Variants in SLC17A5 observed in about 807,000 individuals in gnomAD.
SLC17A5 encodes the protein sialin.
Under a neutral mutation model 59.4 loss-of-function variants are expected in SLC17A5, and 47 were observed. The observed-to-expected ratio is 0.79, with a 90% CI of 0.63 to 1.01. The LOEUF is 1.01. SLC17A5 is among the 50% of genes least tolerant of loss of function. The probability of loss-of-function intolerance (pLI) is 0.00; values close to 1 mark genes in which losing one functional copy is unlikely to be tolerated. For synonymous variants in SLC17A5, 202 were observed against 210.7 expected (o/e 0.96, Z 0.36); for missense variants, 522 against 595.5 (o/e 0.88, Z 1.28).
At position 73,594,836 on chromosome 6, in the gene SLC17A5, C is replaced by T. The variant is rs548307604; in HGVS notation, c.*241G>A. ...CAGAACTGTCCTACTTCATGTTGCC[C>T]GACTAGCAGGCAGGTATGTGAACCT... On this transcript the variant is annotated 3_prime_UTR_variant, in exon 11 of 11. Coordinates refer to ENST00000355773, the MANE Select transcript of SLC17A5 (RefSeq NM_012434.5). 13 of 511,726 alleles carry T rather than the reference C, an allele frequency of 2.5e-5. No individual in the cohort carries two copies. The highest frequency in any genetic ancestry group is 2.2e-4 in the East Asian group (6 of 27,466). 31.7% of individuals were successfully genotyped at this position (511,726 alleles called of 1,614,324 possible).
chr6:73,597,487 CAAAAA>C lies in SLC17A5; in HGVS notation c.1351-2278_1351-2274del, dbSNP rs370577326. ...GTCTCAAAAACAAAACAAAACAAAA[CAAAAA>C]AAACCAAGCAGGCCAGGCATGGCGG... On this transcript the variant is annotated intron_variant, in intron 10 of 10. Coordinates refer to ENST00000355773, the MANE Select transcript of SLC17A5 (RefSeq NM_012434.5). Among the ~76,000 whole-genome samples, 1,447 of 146,708 alleles carry C rather than the reference CAAAAA, an allele frequency of 9.9e-3. 8 individuals are homozygous for C. Among genetic ancestry groups the C allele is most frequent in the Non-Finnish European group, 0.016 (1,077 of 66,262 alleles).
chr6:73,627,854 C>T (rs1001110949), intron 6 of SLC17A5, among the ~76,000 whole-genome samples: 2 of 151,716 alleles, frequency 1.3e-5, no homozygotes, highest in African/African-American at 4.9e-5. Flanking sequence ...GTCTAGAACT[C>T]CTAACCTCAG....
intron 9 of SLC17A5, among the ~76,000 whole-genome samples, chr6:73,603,391 C>T (rs1250358173): frequency 1.3e-5 from 2 of 150,968 alleles, no homozygotes; most frequent in East Asian, 3.9e-4. Flanking sequence ...TGCACCTGGC[C>T]CGATAATTCA....
At chr6:73,648,721 G>C (rs1445605024) in intron 1 of SLC17A5, among the ~76,000 whole-genome samples, 1 of 152,082 alleles carries the variant, frequency 6.6e-6, no homozygotes, top group Non-Finnish European at 1.5e-5. Context: ...AACAAAAGAG[G>C]CACATTAATC....
At position 73,653,965 on chromosome 6, in the gene SLC17A5, A is replaced by T. The variant is rs1043418605; in HGVS notation, c.-79T>A. ...CCGACAGCCCGAAGCCCCCGGGCCG[A>T]GCTGGCTGGACCGGGCGGGGCGGGG... On this transcript the variant is annotated 5_prime_UTR_variant, in exon 1 of 11. Transcript: ENST00000355773. The T allele has an allele frequency of 8.0e-5, 103 of 1,280,842 alleles. No homozygotes were observed. The highest frequency in any genetic ancestry group is 1.4e-4 in the Admixed American group (7 of 49,392). 79.3% of individuals were successfully genotyped at this position (1,280,842 alleles called of 1,614,324 possible).
At chr6:73,634,225 A>G (rs2150111320) in intron 6 of SLC17A5, among the ~76,000 whole-genome samples, 1 of 152,322 alleles carries the variant, frequency 6.6e-6, no homozygotes, top group African/African-American at 2.4e-5. Context: ...ACAGATGTAT[A>G]TCATATTATA....
intron 1 of SLC17A5, among the ~76,000 whole-genome samples, chr6:73,650,439 C>A (rs575503372): frequency 1.5e-5 from 2 of 130,284 alleles, no homozygotes; most frequent in African/African-American, 5.9e-5. Flanking sequence ...ACCCGGGAGG[C>A]GGAGCATGCA....
intron 7 of SLC17A5, among the ~76,000 whole-genome samples, chr6:73,621,000 A>ATTTATTATTATT (rs35762085): frequency 0.11 from 16,887 of 150,146 alleles, 1,534 homozygotes; most frequent in African/African-American, 0.24. Context: ...TGCTGGGATT[A>ATTTATTATTATT]ATTATTATTA....
intron 5 of SLC17A5, among the ~76,000 whole-genome samples, chr6:73,636,006 TG>T (rs1561997683): frequency 6.6e-6 from 1 of 152,284 alleles, no homozygotes; most frequent in Admixed American, 6.5e-5. Context: ...CCCAAAGTGC[TG>T]GGATTACAGG....
chr6:73,636,793 G>T, intron 4 of SLC17A5, 86 bp from the exon 5 acceptor site: 1 of 989,286 alleles, frequency 1.0e-6, no homozygotes, highest in Non-Finnish European at 1.6e-6. Context: ...CAGAGGATGG[G>T]TAACAGGCTG....
At chr6:73,624,260 C>T (rs888599965) in intron 6 of SLC17A5, among the ~76,000 whole-genome samples, 11 of 151,130 alleles carry the variant, frequency 7.3e-5, no homozygotes, top group East Asian at 4.0e-4. Flanking sequence ...AAAAATTAGC[C>T]GGGTGTGGTG....
In SLC17A5 at chr6:73,600,641, A is replaced by G. The variant is rs1342407287; in HGVS notation, c.1260-200T>C. ...CTTAGCCTCCTGAGTAGCGGGGACTACAGGCATCCACCATCATGCTGGGCT... is the reference window on the plus strand; with the variant it reads ...CTTAGCCTCCTGAGTAGCGGGGACTGCAGGCATCCACCATCATGCTGGGCT... On this transcript the variant is annotated intron_variant, in intron 9 of 10. Coordinates refer to ENST00000355773, the MANE Select transcript of SLC17A5 (RefSeq NM_012434.5). 4.6e-5 allele frequency among the ~76,000 whole-genome samples: 7 copies of G among 151,442 alleles called. No homozygotes were observed. The Admixed American group carries it at 4.6e-4, about 10-fold the overall frequency.
intron 3 of SLC17A5, among the ~76,000 whole-genome samples, chr6:73,640,501 C>T (rs1359053824): frequency 6.6e-6 from 1 of 152,144 alleles, no homozygotes; most frequent in African/African-American, 2.4e-5. Flanking sequence ...TTAGAGCTTA[C>T]CTAAGGTTTC....
chr6:73,627,188 T>C (rs1472429854), intron 6 of SLC17A5, among the ~76,000 whole-genome samples: 1 of 152,086 alleles, frequency 6.6e-6, no homozygotes, highest in East Asian at 1.9e-4. Context: ...GTGATTCTCT[T>C]GCCTCAGCTT....
chr6:73,649,503 G>A (rs1356728438), intron 1 of SLC17A5, among the ~76,000 whole-genome samples: 2 of 152,168 alleles, frequency 1.3e-5, no homozygotes, highest in African/African-American at 4.8e-5. Flanking sequence ...TACCTGGGAG[G>A]CTGAGGTGGG....
intron 9 of SLC17A5, among the ~76,000 whole-genome samples, chr6:73,604,892 T>C (rs146391446): frequency 8.9e-4 from 136 of 152,356 alleles, no homozygotes; most frequent in African/African-American, 3.1e-3. Context: ...TGACTATGTA[T>C]TGGAAAACCT....
In SLC17A5 at chr6:73,643,451, C is replaced by T. The variant is rs150045683; in HGVS notation, c.291+956G>A. Among the ~76,000 whole-genome samples, 1,118 of 150,412 alleles carry T rather than the reference C, an allele frequency of 7.4e-3. 14 individuals are homozygous for T. The highest frequency in any genetic ancestry group is 0.026 in the African/African-American group (1,051 of 40,884). On this transcript the variant is annotated intron_variant, in intron 2 of 10. Coordinates refer to ENST00000355773, the MANE Select transcript of SLC17A5 (RefSeq NM_012434.5). Reference sequence around the variant, plus strand: ...CTGGGATTACAGGTGTGAGCCACCGCGCCCGGCCAAAAATTTATTATTTTT... The same window carrying T: ...CTGGGATTACAGGTGTGAGCCACCGTGCCCGGCCAAAAATTTATTATTTTT...
intron 7 of SLC17A5, 109 bp from the exon 8 acceptor site, chr6:73,615,556 C>A (rs1407576568): frequency 9.5e-6 from 10 of 1,052,172 alleles, no homozygotes; most frequent in Admixed American, 8.2e-5. Context: ...AAATGCATAG[C>A]AATATGTTGT....
chr6:73,598,971 C>T lies in SLC17A5; in HGVS notation c.1350+1380G>A, dbSNP rs1442017256. On this transcript the variant is annotated intron_variant, in intron 10 of 10. Transcript: ENST00000355773. ...TGTACTCCAGCCTGGGCAACAAGAG[C>T]GAAACTCCGTCTCAAAAAAAAAAAC... Among the ~76,000 whole-genome samples, 5 of 149,440 alleles carry T rather than the reference C, an allele frequency of 3.3e-5. No individual in the cohort carries two copies. In the South Asian group the frequency reaches 6.3e-4, roughly 19 times the overall value.
Sources: gnomAD v4.1 joint callset for allele counts (sites outside exome capture counted in the v4.1 genomes callset) on GRCh38, gnomAD v4.1.1 for gene constraint, MANE v1.5 for transcripts, NCBI Gene and HGNC (gene_info 2026-07-23, HGNC 2026-07-21) for gene names.